AATF: variants seen among roughly 807,000 people sequenced by gnomAD.
The protein encoded by AATF is protein AATF.
A neutral mutation model predicts 63.7 loss-of-function variants in AATF; 48 were observed. That is an observed-to-expected ratio of 0.75 (90% CI 0.60 to 0.96). The LOEUF (loss-of-function observed/expected upper bound fraction) is 0.96, where lower values mean the gene tolerates loss of function less well. Among genes scored for constraint, AATF ranks in the 40% least tolerant of loss-of-function variants. The probability of loss-of-function intolerance (pLI) is 0.00; values close to 1 mark genes in which losing one functional copy is unlikely to be tolerated. For missense variants in AATF, 639 were observed against 685.7 expected (o/e 0.93, Z 0.76); for synonymous variants, 258 against 247.7 (o/e 1.04, Z -0.39).
chr17:36,953,855 C>A lies in AATF; in HGVS notation c.780C>A (p.Phe260Leu). Residue 260 changes from phenylalanine (F) to leucine (L), a missense_variant, in exon 4 of 12, where the codon TTC becomes TTA. Physicochemically the swap from Phe to Leu is conservative, Grantham distance 22. Coordinates refer to ENST00000619387, the MANE Select transcript of AATF (RefSeq NM_012138.4). ...TTNQLPQPDV[F>L]PLFKDKGGPE... ...ACCAGCTTCCTCAACCAGATGTTTT[C>A]CCATTGTTCAAGGACAAAGGTGGCC... The A allele has an allele frequency of 6.2e-7, 1 of 1,614,098 alleles. No homozygotes were observed. Among genetic ancestry groups the A allele is most frequent in the Non-Finnish European group, 8.5e-7 (1 of 1,180,004 alleles).
At chr17:36,985,271 G>GT (rs1163805569) in intron 4 of AATF, among the ~76,000 whole-genome samples, 1 of 151,350 alleles carries the variant, frequency 6.6e-6, no homozygotes, top group Non-Finnish European at 1.5e-5. Flanking sequence ...AGTGTGTGTG[G>GT]TTTTTTTTGG....
At chr17:37,043,481 C>T (rs1191710259) in intron 11 of AATF, among the ~76,000 whole-genome samples, 9 of 152,150 alleles carry the variant, frequency 5.9e-5, no homozygotes, top group Admixed American at 4.6e-4. Context: ...GTTTGTTCCT[C>T]CCAAACAGTT....
chr17:36,967,067 T>G (rs1284670515), intron 4 of AATF, among the ~76,000 whole-genome samples: 3 of 152,140 alleles, frequency 2.0e-5, no homozygotes, highest in African/African-American at 7.2e-5. Context: ...TCTTTTTTTG[T>G]TTTTTGTTTT....
At chr17:37,018,981 T>G in intron 8 of AATF, 24 bp from the exon 9 acceptor site, 1 of 1,604,280 alleles carries the variant, frequency 6.2e-7, no homozygotes, top group Middle Eastern at 1.7e-4. Flanking sequence ...ATAAATAAAT[T>G]CGTTGCTTTC....
At chr17:36,994,037 A>G (rs2142255529) in intron 8 of AATF, among the ~76,000 whole-genome samples, 1 of 152,330 alleles carries the variant, frequency 6.6e-6, no homozygotes, top group African/African-American at 2.4e-5. Flanking sequence ...ATACATACAT[A>G]TGTATGTGTG....
intron 2 of AATF, among the ~76,000 whole-genome samples, chr17:36,951,950 G>A (rs1282474111): frequency 6.6e-6 from 1 of 152,178 alleles, no homozygotes; most frequent in African/African-American, 2.4e-5. Context: ...GGGCTTTTAT[G>A]TTCTACCATG....
chr17:36,950,055 C>T (rs1280395136), intron 1 of AATF, among the ~76,000 whole-genome samples, 159 bp from the exon 2 acceptor site: 2 of 152,198 alleles, frequency 1.3e-5, no homozygotes, highest in East Asian at 3.8e-4. Context: ...AGCAGTAAGA[C>T]AGTGTTCTAC....
chr17:37,030,270 T>C (rs2071542800), intron 10 of AATF, among the ~76,000 whole-genome samples: 1 of 152,178 alleles, frequency 6.6e-6, no homozygotes, highest in Non-Finnish European at 1.5e-5. Context: ...AATTCATTTG[T>C]TGAGATAAAG....
chr17:36,949,267 T>A, intron 1 of AATF, 51 bp downstream of exon 1: 6 of 1,525,284 alleles, frequency 3.9e-6, no homozygotes, highest in Non-Finnish European at 5.3e-6. Flanking sequence ...CCAGGCCCTG[T>A]GGGGCAAGGG....
At chr17:37,020,374 C>G (rs753145405) in intron 9 of AATF, among the ~76,000 whole-genome samples, 9 of 151,272 alleles carry the variant, frequency 5.9e-5, no homozygotes, top group Non-Finnish European at 1.0e-4. Flanking sequence ...TATAGCAACA[C>G]GTACTGAAAT....
chr17:37,030,823 A>C (rs984851672), intron 10 of AATF, among the ~76,000 whole-genome samples: 1 of 152,182 alleles, frequency 6.6e-6, no homozygotes, highest in Non-Finnish European at 1.5e-5. Flanking sequence ...GCATTCAGAT[A>C]CTGTACCACT....
At chr17:37,045,095 C>T (rs1309979873) in intron 11 of AATF, among the ~76,000 whole-genome samples, 2 of 152,098 alleles carry the variant, frequency 1.3e-5, no homozygotes, top group African/African-American at 2.4e-5. Flanking sequence ...ATATTTAGAT[C>T]GAGGACCTTA....
rs1189371364 is a variant in AATF at position 36,950,251 on chromosome 17, G to A, written c.129G>A (p.Gly43=). 6.2e-7 allele frequency: 1 copy of A among 1,614,148 alleles called. No individual in the cohort carries two copies. Among genetic ancestry groups the A allele is most frequent in the Admixed American group, 1.7e-5 (1 of 60,022 alleles). The change falls in exon 2 of 12, where the codon GGG becomes GGA. Residue 43 remains glycine (G), a synonymous_variant. Transcript: ENST00000619387. ...AARVIDRFDE[G]EDGEGDFLVV... ...GGGTGATTGACAGGTTTGATGAAGG[G>A]GAAGATGGGGAAGGTGATTTCCTAG...
intron 11 of AATF, among the ~76,000 whole-genome samples, chr17:37,053,148 T>C (rs2071767553): frequency 6.6e-6 from 1 of 152,166 alleles, no homozygotes; most frequent in Non-Finnish European, 1.5e-5. Context: ...TGAACCCTCC[T>C]TCATTCTGGC....
rs199725061 is a variant in AATF, at chr17:37,021,013, C to T, written c.1546C>T (p.Arg516Trp). Residue 516 changes from arginine (R) to tryptophan (W), a missense_variant and splice_region_variant, in exon 10 of 12, where the codon CGG becomes TGG. Transcript: ENST00000619387. ...GAAAGCCAGCAAAGGCAGGAAACTTCGGTGAGTTACTTTTCGGAAAAAATG... is the reference window on the plus strand; with the variant it reads ...GAAAGCCAGCAAAGGCAGGAAACTTTGGTGAGTTACTTTTCGGAAAAAATG... ...DRKASKGRKL[R>W]FHVLSKLLSF... is the part of the protein sequence containing the mutation. The T allele has an allele frequency of 1.2e-4, 187 of 1,608,674 alleles. No individual in the cohort carries two copies. Among genetic ancestry groups the T allele is most frequent in the Non-Finnish European group, 1.4e-4 (169 of 1,177,378 alleles).
chr17:37,048,237 A>G (rs1041694952), intron 11 of AATF, among the ~76,000 whole-genome samples: 2 of 151,686 alleles, frequency 1.3e-5, no homozygotes, highest in Admixed American at 6.6e-5. Context: ...AGAAATCCTA[A>G]GTTTTCTACT....
chr17:37,048,103 G>A (rs2071709776), intron 11 of AATF, among the ~76,000 whole-genome samples: 1 of 151,904 alleles, frequency 6.6e-6, no homozygotes, highest in Non-Finnish European at 1.5e-5. Flanking sequence ...TTCAGTTTTG[G>A]TTTGTTTTTT....
intron 4 of AATF, among the ~76,000 whole-genome samples, chr17:36,971,001 A>C (rs970775548): frequency 1.3e-5 from 2 of 152,218 alleles, no homozygotes; most frequent in African/African-American, 4.8e-5. Flanking sequence ...AGAAAACTCT[A>C]TGTCATTGGG....
chr17:37,000,017 A>G (rs553848561), intron 8 of AATF: 1 of 152,338 alleles, frequency 6.6e-6, no homozygotes, highest in Non-Finnish European at 1.5e-5. Context: ...CTGAGATGGG[A>G]AACTACCAGA....
Sources: allele counts gnomAD v4.1 joint callset (sites outside exome capture counted in the v4.1 genomes callset), GRCh38; gene constraint gnomAD v4.1.1; transcripts MANE v1.5; gene names NCBI Gene and HGNC (gene_info 2026-07-23, HGNC 2026-07-21).